Variants in AGTPBP1 observed in about 807,000 individuals in gnomAD.
AGTPBP1 encodes the protein cytosolic carboxypeptidase 1.
A neutral mutation model predicts 143.9 loss-of-function variants in AGTPBP1; 70 were observed. The ratio of observed to expected loss-of-function variants is 0.49; its 90% CI spans 0.40 to 0.59. The LOEUF (loss-of-function observed/expected upper bound fraction) is 0.59, where lower values mean the gene tolerates loss of function less well. AGTPBP1 is among the 20% of genes least tolerant of loss of function. The probability of loss-of-function intolerance (pLI) is 0.00; values close to 1 mark genes in which losing one functional copy is unlikely to be tolerated. For missense variants in AGTPBP1, 1,229 were observed against 1,464.5 expected, an observed-to-expected ratio of 0.84 and a Z score of 2.62; for synonymous variants, 463 against 500.2, an observed-to-expected ratio of 0.93 and a Z score of 0.99.
the AGTPBP1 span, among the ~76,000 whole-genome samples, chr9:85,764,022 G>A: frequency 0.019 from 2,814 of 151,854 alleles, 81 homozygotes; most frequent in African/African-American, 0.062. Flanking sequence ...CCAACCAATC[G>A]TATGTTTAAA....
the AGTPBP1 span, among the ~76,000 whole-genome samples, chr9:85,757,864 A>C: frequency 1.2e-4 from 19 of 152,314 alleles, no homozygotes; most frequent in Middle Eastern, 6.8e-3. Flanking sequence ...TATTTTCTGA[A>C]GATTGAACCA....
the AGTPBP1 span, among the ~76,000 whole-genome samples, chr9:85,759,722 A>C: frequency 6.6e-6 from 1 of 152,210 alleles, no homozygotes; most frequent in Non-Finnish European, 1.5e-5. Context: ...CTAGAGAAGC[A>C]AGAGCAAACA....
At chr9:85,746,647 G>A (rs1040448515), upstream of AGTPBP1, among the ~76,000 whole-genome samples, 1 of 151,752 alleles carries the variant, frequency 6.6e-6, no homozygotes, top group South Asian at 2.1e-4. Flanking sequence ...AGAAAGAGTG[G>A]GGGGAGAGAG....
chr9:85,606,028 G>C (rs1345894581), intron 17 of AGTPBP1, among the ~76,000 whole-genome samples: 1 of 151,986 alleles, frequency 6.6e-6, no homozygotes, highest in Non-Finnish European at 1.5e-5. Context: ...AAAATGGCAG[G>C]AGTAAGTCCT....
upstream of AGTPBP1, among the ~76,000 whole-genome samples, chr9:85,742,221 G>A (rs960961366): frequency 6.6e-5 from 10 of 152,178 alleles, no homozygotes; most frequent in African/African-American, 2.4e-4. Flanking sequence ...GCGCGCTGCC[G>A]GTCCCTTGTA....
chr9:85,695,886 G>C (rs1283423000), intron 2 of AGTPBP1, among the ~76,000 whole-genome samples: 1 of 151,284 alleles, frequency 6.6e-6, no homozygotes, highest in East Asian at 1.9e-4. Flanking sequence ...CTGTTGCCCA[G>C]GCTGGAGTAC....
intron 25 of AGTPBP1, among the ~76,000 whole-genome samples, chr9:85,550,793 C>A: frequency 6.6e-6 from 1 of 152,286 alleles, no homozygotes; most frequent in East Asian, 1.9e-4. Flanking sequence ...TCGCTACAAG[C>A]AAGTCCTGCC....
chr9:85,603,569 G>T (rs922513910), intron 17 of AGTPBP1, among the ~76,000 whole-genome samples: 1 of 152,192 alleles, frequency 6.6e-6, no homozygotes, highest in Non-Finnish European at 1.5e-5. Context: ...CTGGCTTCAG[G>T]GGGTGGCCAC....
the AGTPBP1 span, chr9:85,786,184 A>G: frequency 1.9e-6 from 3 of 1,604,070 alleles, no homozygotes; most frequent in South Asian, 1.1e-5. Flanking sequence ...ACCTGAAAGT[A>G]TGAAATTAAG....
intron 25 of AGTPBP1, among the ~76,000 whole-genome samples, chr9:85,568,759 C>A (rs994834769): frequency 5.9e-5 from 9 of 152,018 alleles, no homozygotes; most frequent in African/African-American, 2.2e-4. Flanking sequence ...GAAGAGAAAT[C>A]AAAAAGTTCT....
At chr9:85,598,583 T>G (rs967280731) in intron 17 of AGTPBP1, among the ~76,000 whole-genome samples, 3 of 152,230 alleles carry the variant, frequency 2.0e-5, no homozygotes, top group Admixed American at 1.3e-4. Flanking sequence ...CTTATGTAAG[T>G]GCCATGTGGC....
the AGTPBP1 span, among the ~76,000 whole-genome samples, chr9:85,779,759 C>T: frequency 6.6e-6 from 1 of 152,084 alleles, no homozygotes; most frequent in African/African-American, 2.4e-5. Flanking sequence ...ACCCTGGAGG[C>T]TGAGGTGGGA....
At chr9:85,753,190 T>G in the AGTPBP1 span, 1 of 1,402,164 alleles carries the variant, frequency 7.1e-7, no homozygotes, top group Non-Finnish European at 9.6e-7. Flanking sequence ...CACTCCAGCC[T>G]GGGTGACAGA....
chr9:85,707,828 T>C (rs986577025), intron 2 of AGTPBP1, among the ~76,000 whole-genome samples: 5 of 149,626 alleles, frequency 3.3e-5, no homozygotes, highest in African/African-American at 9.9e-5. Flanking sequence ...AAATGGTTTT[T>C]GGCATGTTCT....
chr9:85,562,303 G>A (rs1826793065), intron 25 of AGTPBP1, among the ~76,000 whole-genome samples: 1 of 150,494 alleles, frequency 6.6e-6, no homozygotes, highest in Non-Finnish European at 1.5e-5. Context: ...ACCTAAATAT[G>A]TTAATAATTA....
intron 14 of AGTPBP1, among the ~76,000 whole-genome samples, chr9:85,626,362 T>A (rs35310694): frequency 0.02 from 3,071 of 152,294 alleles, 46 homozygotes; most frequent in Non-Finnish European, 0.032. Context: ...TTCACTGAAA[T>A]CATGTAAAGG....
chr9:85,758,346 A>G, the AGTPBP1 span, among the ~76,000 whole-genome samples: 1 of 152,070 alleles, frequency 6.6e-6, no homozygotes, highest in Admixed American at 6.6e-5. Context: ...CTTGGAAATT[A>G]AAAGGGTTGG....
At chr9:85,602,086 G>A (rs931394103) in intron 17 of AGTPBP1, among the ~76,000 whole-genome samples, 7 of 151,918 alleles carry the variant, frequency 4.6e-5, no homozygotes, top group East Asian at 1.9e-4. Flanking sequence ...CAAGAAACAC[G>A]AAAAAACAAG....
chr9:85,742,743 C>T (rs1211526954), upstream of AGTPBP1, among the ~76,000 whole-genome samples: 5 of 152,168 alleles, frequency 3.3e-5, no homozygotes, highest in Non-Finnish European at 5.9e-5. Context: ...TAATACACCC[C>T]CTTCTGTTTT....
Sources: allele counts gnomAD v4.1 joint callset (sites outside exome capture counted in the v4.1 genomes callset), GRCh38; gene constraint gnomAD v4.1.1; transcripts MANE v1.5; gene names NCBI Gene and HGNC (gene_info 2026-07-23, HGNC 2026-07-21).